HDAC4: variants seen among roughly 807,000 people sequenced by gnomAD.
The protein encoded by HDAC4 is histone deacetylase A.
Under a neutral mutation model 135.1 loss-of-function variants are expected in HDAC4, and 16 were observed. The ratio of observed to expected loss-of-function variants is 0.12; its 90% CI spans 0.08 to 0.18. The LOEUF (loss-of-function observed/expected upper bound fraction) is 0.18. Among genes scored for constraint, HDAC4 ranks in the 10% least tolerant of loss-of-function variants. The pLI is 1.00. For missense variants in HDAC4, 1,143 were observed against 1,511.8 expected, an observed-to-expected ratio of 0.76 and a Z score of 4.05; for synonymous variants, 685 against 653.4, an observed-to-expected ratio of 1.05 and a Z score of -0.74.
intron 17 of HDAC4, chr2:239,094,142 C>A: frequency 1.0e-6 from 1 of 985,450 alleles, no homozygotes; most frequent in Non-Finnish European, 1.2e-6. Flanking sequence ...GTCCTCCCTG[C>A]CTGTAACCGT....
rs895271327 is a variant in HDAC4, at chr2:239,068,005, C to G, written c.2869+484G>C. Reference sequence around the variant, plus strand: ...CAGCAGGAGCACTGCTGGGCAGTCCCTCCTCCCATCCTGACAGCATGGCCC... The same window carrying G: ...CAGCAGGAGCACTGCTGGGCAGTCCGTCCTCCCATCCTGACAGCATGGCCC... On this transcript the variant is annotated intron_variant, in intron 23 of 26. Coordinates refer to ENST00000543185, the MANE Select transcript of HDAC4 (RefSeq NM_001378414.1). The surrounding 1 kb of genome is among the most constrained non-coding windows in gnomAD (Gnocchi z 4.4). Among the ~76,000 whole-genome samples, 1 of 152,328 alleles carries G rather than the reference C, an allele frequency of 6.6e-6. No individual in the cohort carries two copies. Among genetic ancestry groups the G allele is most frequent in the Admixed American group, 6.5e-5 (1 of 15,308 alleles).
At chr2:239,273,013 C>G (rs2050141227) in intron 2 of HDAC4, among the ~76,000 whole-genome samples, 1 of 152,266 alleles carries the variant, frequency 6.6e-6, no homozygotes, top group South Asian at 2.1e-4. Flanking sequence ...ATAAATGATA[C>G]CCCACACAGG....
At chr2:239,122,356 C>T (rs1034642800) in intron 12 of HDAC4, among the ~76,000 whole-genome samples, 4 of 152,188 alleles carry the variant, frequency 2.6e-5, no homozygotes, top group African/African-American at 9.7e-5. Flanking sequence ...GGTATTTCGC[C>T]TGGACACACA....
intron 3 of HDAC4, among the ~76,000 whole-genome samples, chr2:239,230,123 C>G (rs2047455706): frequency 6.6e-6 from 1 of 152,030 alleles, no homozygotes; most frequent in African/African-American, 2.4e-5. Context: ...GATGTTAACG[C>G]TGGTCAGCTG....
rs149199937 is a variant in HDAC4, at chr2:239,136,452, T to G, written c.979-1809A>C. 1.6e-3 allele frequency among the ~76,000 whole-genome samples: 240 copies of G among 152,336 alleles called. 3 individuals carry two copies. The highest frequency in any genetic ancestry group is 5.5e-3 in the African/African-American group (227 of 41,586). On this transcript the variant is annotated intron_variant, in intron 9 of 26. Transcript: ENST00000543185. ...TGTCTATTCATCCACTGAAGGACAC[T>G]GAGGTTGATTCGACCTCTTGGCTAT...
At chr2:239,111,747 G>A in intron 13 of HDAC4, 35 bp from the exon 14 acceptor site, 6 of 1,550,938 alleles carry the variant, frequency 3.9e-6, no homozygotes, top group African/African-American at 2.7e-5. Flanking sequence ...GGCGGTTGCG[G>A]ATGTCTCCCG....
At chr2:239,105,418 G>A (rs994490702) in intron 15 of HDAC4, among the ~76,000 whole-genome samples, 1 of 152,206 alleles carries the variant, frequency 6.6e-6, no homozygotes, top group Non-Finnish European at 1.5e-5. Flanking sequence ...ATACTCAGAG[G>A]ACCCCCGACT....
chr2:239,164,090 T>G (rs964457954), intron 5 of HDAC4, among the ~76,000 whole-genome samples, 167 bp from the exon 6 acceptor site: 3 of 152,068 alleles, frequency 2.0e-5, no homozygotes, highest in African/African-American at 7.2e-5. Context: ...CGGGAGGGGT[T>G]TTAATGAGAG....
rs540979084 is a variant in HDAC4 at position 239,139,301 on chromosome 2, A to AC, written c.978+382dup. 1.3e-5 allele frequency among the ~76,000 whole-genome samples: 2 copies of AC among 152,230 alleles called. No individual in the cohort carries two copies. Among genetic ancestry groups the AC allele is most frequent in the East Asian group, 3.9e-4 (2 of 5,162 alleles). ...CCCACGTGCCCACGGCCTCTCAGCC[A>AC]CCCTCAGAGCACTGGCGACCACAGC... is the stretch of plus-strand genomic sequence containing the variant. On this transcript the variant is annotated intron_variant, in intron 9 of 26. Transcript: ENST00000543185. This position sits in a 1 kb window ranked among gnomAD's most constrained non-coding sequence, Gnocchi z 5.3.
chr2:239,115,314 C>G lies in HDAC4; in HGVS notation c.1534-4G>C, dbSNP rs1325672767. 1.2e-6 allele frequency: 2 copies of G among 1,613,080 alleles called. No individual in the cohort carries two copies. The highest frequency in any genetic ancestry group is 1.7e-6 in the Non-Finnish European group (2 of 1,179,992). ...GCTCGCTTGGCTTGGGGATGATCTG[C>G]AAGGCGGAGGTAACACATGAAGCAC... On this transcript the variant is annotated splice_polypyrimidine_tract_variant and splice_region_variant and intron_variant, in intron 12 of 26. Coordinates refer to ENST00000543185, the MANE Select transcript of HDAC4 (RefSeq NM_001378414.1). The surrounding 1 kb of genome is among the most constrained non-coding windows in gnomAD (Gnocchi z 6.3).
At chr2:239,396,379 T>G (rs1458257175) in intron 1 of HDAC4, among the ~76,000 whole-genome samples, 1 of 152,214 alleles carries the variant, frequency 6.6e-6, no homozygotes, top group Non-Finnish European at 1.5e-5. Context: ...CAGGCCCTAT[T>G]CAAGGAAATT....
intron 3 of HDAC4, among the ~76,000 whole-genome samples, chr2:239,200,050 A>G (rs2045660183): frequency 6.6e-6 from 1 of 152,028 alleles, no homozygotes; most frequent in South Asian, 2.1e-4. Context: ...CTTCCTGTAC[A>G]TTTCTTGACC....
At chr2:239,255,452 G>A (rs867493494) in intron 2 of HDAC4, among the ~76,000 whole-genome samples, 2 of 152,246 alleles carry the variant, frequency 1.3e-5, no homozygotes, top group African/African-American at 4.8e-5. Context: ...CAGGGTTTAT[G>A]ACCTGCATCT....
rs202105191 is a variant in HDAC4, at chr2:239,132,929, G to A, written c.1294+1316C>T. Reference sequence around the variant, plus strand: ...TGATCTAGAGCATCCAAGAGACTCAGACGCAACCTCAGATACATTCCTCCA... The same window carrying A: ...TGATCTAGAGCATCCAAGAGACTCAAACGCAACCTCAGATACATTCCTCCA... On this transcript the variant is annotated intron_variant, in intron 11 of 26. Transcript: ENST00000543185. Among the ~76,000 whole-genome samples the A allele has an allele frequency of 9.2e-5, 14 of 152,288 alleles. No homozygotes were observed. In the East Asian group the frequency reaches 2.7e-3, roughly 29 times the overall value.
intron 12 of HDAC4, among the ~76,000 whole-genome samples, chr2:239,119,324 G>A (rs935932417): frequency 6.6e-6 from 1 of 152,172 alleles, no homozygotes; most frequent in Non-Finnish European, 1.5e-5. Context: ...GGAGGGATTC[G>A]GGAGGAGGGA....
chr2:239,222,682 T>A (rs1226179845), intron 3 of HDAC4, among the ~76,000 whole-genome samples: 1 of 152,198 alleles, frequency 6.6e-6, no homozygotes, highest in Non-Finnish European at 1.5e-5. Context: ...AAAGCATTCC[T>A]GGAAAATCTT....
chr2:239,095,910 G>C (rs1449848922), intron 16 of HDAC4, among the ~76,000 whole-genome samples: 1 of 152,164 alleles, frequency 6.6e-6, no homozygotes, highest in African/African-American at 2.4e-5. Context: ...CCCTTCCTGG[G>C]CTGGAGCTGG....
chr2:239,126,830 G>T (rs2040222558), intron 11 of HDAC4, 136 bp from the exon 12 acceptor site: 1 of 930,798 alleles, frequency 1.1e-6, no homozygotes, highest in African/African-American at 1.6e-5. Context: ...GTGCCCCAGA[G>T]CTGGCTCGCT....
At chr2:239,128,501 C>T in intron 11 of HDAC4, among the ~76,000 whole-genome samples, 1 of 150,600 alleles carries the variant, frequency 6.6e-6, no homozygotes, top group Non-Finnish European at 1.5e-5. Context: ...GCACTTCAGC[C>T]TGGGCGACAA....
Sources: allele counts gnomAD v4.1 joint callset (sites outside exome capture counted in the v4.1 genomes callset), GRCh38; gene constraint gnomAD v4.1.1; non-coding constraint Gnocchi (gnomAD v3.1); transcripts MANE v1.5; gene names NCBI Gene and HGNC (gene_info 2026-07-23, HGNC 2026-07-21).